The following TTLL5 variants were observed in gnomAD, a reference collection of about 807,000 sequenced individuals.
TTLL5 encodes the protein tubulin tyrosine ligase like 5, also known as tubulin polyglutamylase TTLL5.
A neutral mutation model predicts 168.4 loss-of-function variants in TTLL5; 132 were observed. The ratio of observed to expected loss-of-function variants is 0.78; its 90% CI spans 0.68 to 0.91. TTLL5 has a LOEUF of 0.91. Among genes scored for constraint, TTLL5 ranks in the 40% least tolerant of loss-of-function variants. The pLI, the probability that TTLL5 is intolerant of heterozygous loss-of-function variation, is 0.00. For missense variants in TTLL5, 1,545 were observed against 1,581.5 expected (o/e 0.98, Z 0.39); for synonymous variants, 546 against 558.6 (o/e 0.98, Z 0.32).
chr14:75,725,861 C>A (rs1594931346), intron 12 of TTLL5, among the ~76,000 whole-genome samples: 1 of 152,212 alleles, frequency 6.6e-6, no homozygotes, highest in East Asian at 1.9e-4. Flanking sequence ...ATTTCTTGGA[C>A]TAGTTAACCA....
chr14:75,717,211 C>A (rs1416119292), intron 9 of TTLL5, among the ~76,000 whole-genome samples: 8 of 152,076 alleles, frequency 5.3e-5, no homozygotes, highest in African/African-American at 1.7e-4. Flanking sequence ...GTCTCCTGGG[C>A]TCAAGCAGTC....
intron 28 of TTLL5, among the ~76,000 whole-genome samples, chr14:75,827,707 C>CTTGTTTTTTTTTT (rs1895280329): frequency 1.9e-5 from 1 of 53,170 alleles, no homozygotes; most frequent in Non-Finnish European, 3.1e-5. Flanking sequence ...TGGCTTGGTT[C>CTTGTTTTTTTTTT]TTTTTTTTTT....
At chr14:75,839,185 C>T (rs1172524746) in intron 28 of TTLL5, 1 of 152,360 alleles carries the variant, frequency 6.6e-6, no homozygotes, top group African/African-American at 2.4e-5. Flanking sequence ...GCCCTGAGCA[C>T]ACCTGCGGTC....
intron 29 of TTLL5, among the ~76,000 whole-genome samples, chr14:75,872,984 G>A (rs1368187217): frequency 1.3e-5 from 2 of 150,074 alleles, no homozygotes; most frequent in South Asian, 4.2e-4. Context: ...CATTTAGGTA[G>A]AAAACATGTA....
intron 31 of TTLL5, among the ~76,000 whole-genome samples, chr14:75,905,270 C>T (rs1359429948): frequency 6.6e-6 from 1 of 152,140 alleles, no homozygotes; most frequent in African/African-American, 2.4e-5. Flanking sequence ...ATATTGAGTC[C>T]AAGACTATAG....
chr14:75,726,222 CT>C lies in TTLL5; in HGVS notation c.1042+5523del, dbSNP rs567312273. ...ATTTCCTCCTCTCTCCCTAAACTAACTTTTATCAGGTTTTTTCTTAATACAG... is the reference window on the plus strand; with the variant it reads ...ATTTCCTCCTCTCTCCCTAAACTAACTTTATCAGGTTTTTTCTTAATACAG... On this transcript the variant is annotated intron_variant, in intron 12 of 31. Transcript: ENST00000298832. Among the ~76,000 whole-genome samples the C allele has an allele frequency of 2.0e-4, 30 of 152,184 alleles. No individual in the cohort carries two copies. The South Asian group carries it at 5.4e-3, about 27-fold the overall frequency.
chr14:75,923,325 C>T (rs1274276894), intron 31 of TTLL5, among the ~76,000 whole-genome samples: 2 of 152,024 alleles, frequency 1.3e-5, no homozygotes, highest in East Asian at 3.9e-4. Context: ...TAGATCTTTC[C>T]TGCTTTCTCT....
chr14:75,848,285 C>T (rs983738531), intron 28 of TTLL5, among the ~76,000 whole-genome samples: 1 of 151,968 alleles, frequency 6.6e-6, no homozygotes. Flanking sequence ...TGTTTATGTG[C>T]ACTAGGTTTG....
intron 30 of TTLL5, among the ~76,000 whole-genome samples, chr14:75,891,053 G>T (rs975405166): frequency 6.6e-6 from 1 of 152,098 alleles, no homozygotes; most frequent in Non-Finnish European, 1.5e-5. Flanking sequence ...TTCCAGGTGC[G>T]CACAAGATAA....
intron 26 of TTLL5, among the ~76,000 whole-genome samples, chr14:75,789,571 C>G (rs540111518): frequency 2.0e-5 from 3 of 152,202 alleles, no homozygotes; most frequent in Admixed American, 6.5e-5. Context: ...TACAGTCACA[C>G]TTTTGCAGCC....
intron 29 of TTLL5, among the ~76,000 whole-genome samples, chr14:75,869,031 T>TGTGTGTGTGTGA: frequency 8.2e-6 from 1 of 122,570 alleles, no homozygotes; most frequent in African/African-American, 3.0e-5. Context: ...TGTGTGTGTG[T>TGTGTGTGTGTGA]GTGTGTGTGT....
At chr14:75,759,304 A>G (rs1433086137) in intron 18 of TTLL5, among the ~76,000 whole-genome samples, 1 of 152,160 alleles carries the variant, frequency 6.6e-6, no homozygotes, top group Non-Finnish European at 1.5e-5. Flanking sequence ...GGTGGTGGGA[A>G]AGTTGGGGGC....
At chr14:75,733,123 T>C (rs1329965894) in intron 13 of TTLL5, among the ~76,000 whole-genome samples, 1 of 152,234 alleles carries the variant, frequency 6.6e-6, no homozygotes, top group African/African-American at 2.4e-5. Flanking sequence ...AAAGACAGAT[T>C]GACTACTTTT....
chr14:75,666,034 C>T (rs1042007421), intron 2 of TTLL5, among the ~76,000 whole-genome samples: 1 of 152,216 alleles, frequency 6.6e-6, no homozygotes, highest in Non-Finnish European at 1.5e-5. Flanking sequence ...GGACCACTTC[C>T]TCCTTTTAGA....
chr14:75,783,858 G>A (rs1892207243), intron 26 of TTLL5, among the ~76,000 whole-genome samples: 2 of 152,158 alleles, frequency 1.3e-5, no homozygotes, highest in South Asian at 4.1e-4. Context: ...CATTCTCTGT[G>A]CTTCAAATAG....
At chr14:75,893,981 C>T (rs1325069591) in intron 30 of TTLL5, among the ~76,000 whole-genome samples, 7 of 151,914 alleles carry the variant, frequency 4.6e-5, no homozygotes, top group East Asian at 1.9e-4. Context: ...ACAACAAATC[C>T]GTAAAATGTC....
At chr14:75,871,669 G>T (rs972730885) in intron 29 of TTLL5, among the ~76,000 whole-genome samples, 1 of 152,126 alleles carries the variant, frequency 6.6e-6, no homozygotes, top group African/African-American at 2.4e-5. Context: ...TCACTCCGTG[G>T]CCTGTGGTTT....
intron 29 of TTLL5, among the ~76,000 whole-genome samples, chr14:75,867,775 CA>C (rs927093617): frequency 2.8e-5 from 4 of 143,812 alleles, no homozygotes; most frequent in African/African-American, 5.1e-5. Flanking sequence ...AAAAAAAAAG[CA>C]AAAAAAAAAT....
Position 75,745,527 on chromosome 14 carries a change from G to A in TTLL5, c.1433G>A (p.Arg478Gln), listed in dbSNP as rs1029865156. ...CGAAGGGTGAAGGAGGAGAATGATC[G>A]GCGAGGTGGATTTATTCGCATATTT... ...VLRRVKEEND[R>Q]RGGFIRIFPT... is the part of the protein sequence containing the mutation. The change falls in exon 17 of 32, where the codon CGG (arginine) becomes CAG (glutamine). Residue 478 changes from arginine to glutamine, a missense_variant. Transcript: ENST00000298832. 75 of 1,613,500 alleles carry A rather than the reference G, an allele frequency of 4.6e-5. No individual in the cohort carries two copies. The highest frequency in any genetic ancestry group is 3.3e-4 in the Admixed American group (20 of 59,948).
Sources: gnomAD v4.1 joint callset for allele counts (sites outside exome capture counted in the v4.1 genomes callset) on GRCh38, gnomAD v4.1.1 for gene constraint, MANE v1.5 for transcripts, NCBI Gene and HGNC (gene_info 2026-07-23, HGNC 2026-07-21) for gene names.